Variants in PCDHGB3 observed in about 807,000 individuals in gnomAD.
PCDHGB3 encodes the protein protocadherin gamma subfamily B, 3.
In PCDHGB3, 40 loss-of-function variants were observed where a neutral mutation model predicts 59.2. That is an observed-to-expected ratio of 0.68 (90% confidence interval 0.52 to 0.88). The LOEUF is 0.88. PCDHGB3 is among the 40% of genes least tolerant of loss of function. PCDHGB3 has a pLI of 0.00. For synonymous variants in PCDHGB3, 581 were observed against 503.6 expected, an observed-to-expected ratio of 1.15 and a Z score of -2.06; for missense variants, 1,309 against 1,187.9, an observed-to-expected ratio of 1.10 and a Z score of -1.50.
At chr5:141,392,131 T>C (rs1434001990) in intron 1 of PCDHGB3, 2 of 152,204 alleles carry the variant, frequency 1.3e-5, no homozygotes, top group African/African-American at 4.8e-5. Flanking sequence ...TGTAAAATGA[T>C]TAAGTAGTTT....
rs577239742 is a variant in PCDHGB3 at position 141,501,564 on chromosome 5, T to C, written c.2475-3829T>C. ...CATAAGATCATAGGCCCTGGAATCA[T>C]ATTAGGCTGGCTTTCAGGTTGCAAC... On this transcript the variant is annotated intron_variant, in intron 2 of 3. Coordinates refer to ENST00000576222, the MANE Select transcript of PCDHGB3 (RefSeq NM_018924.5). 5.9e-5 allele frequency among the ~76,000 whole-genome samples: 9 copies of C among 152,194 alleles called. No individual in the cohort carries two copies. The South Asian group carries it at 1.7e-3, about 28-fold the overall frequency.
chr5:141,499,122 A>G (rs971741957), intron 2 of PCDHGB3, among the ~76,000 whole-genome samples: 3 of 152,140 alleles, frequency 2.0e-5, no homozygotes, highest in African/African-American at 7.2e-5. Context: ...ATCCCTTCTC[A>G]GGTCATCCTT....
intron 1 of PCDHGB3, chr5:141,411,432 AC>A (rs1483186233): frequency 6.6e-6 from 1 of 151,012 alleles, no homozygotes; most frequent in African/African-American, 2.4e-5. Context: ...ACAAAAAAAA[AC>A]ATTAGCAGAG....
chr5:141,431,435 GC>G lies in PCDHGB3; in HGVS notation c.2415+58627del. On this transcript the variant is annotated intron_variant, in intron 1 of 3. Coordinates refer to ENST00000576222, the MANE Select transcript of PCDHGB3 (RefSeq NM_018924.5). The surrounding 1 kb of genome is among the most constrained non-coding windows in gnomAD (Gnocchi z 4.8). The stretch of plus-strand genomic sequence containing the variant: ...GGGCGACCCGGTGCGCACAGGCACC[GC>G]GCGCATCCGCGTGATGGTTCTGGAT... 1.9e-6 allele frequency: 3 copies of G among 1,613,668 alleles called. No individual in the cohort carries two copies. The highest frequency in any genetic ancestry group is 2.5e-6 in the Non-Finnish European group (3 of 1,180,026).
chr5:141,481,835 C>T (rs892868552), intron 1 of PCDHGB3, among the ~76,000 whole-genome samples: 5 of 149,932 alleles, frequency 3.3e-5, no homozygotes, highest in Non-Finnish European at 7.4e-5. Flanking sequence ...GCAGGAGAAT[C>T]GCTTGATGGT....
At chr5:141,421,065 A>C in intron 1 of PCDHGB3, 1 of 591,556 alleles carries the variant, frequency 1.7e-6, no homozygotes. Flanking sequence ...CACAAAGCGG[A>C]ATGAGATGGA....
intron 1 of PCDHGB3, among the ~76,000 whole-genome samples, chr5:141,481,148 C>G (rs2099532606): frequency 6.6e-6 from 1 of 152,176 alleles, no homozygotes; most frequent in Non-Finnish European, 1.5e-5. Context: ...AAGTGTTATT[C>G]TGGTATTTGC....
At chr5:141,449,349 G>C (rs191322076) in intron 1 of PCDHGB3, among the ~76,000 whole-genome samples, 2 of 152,074 alleles carry the variant, frequency 1.3e-5, no homozygotes, top group African/African-American at 4.8e-5. Flanking sequence ...GCTCACTCCT[G>C]TAATCCCAGC....
chr5:141,395,209 A>G, intron 1 of PCDHGB3: 1 of 1,613,372 alleles, frequency 6.2e-7, no homozygotes, highest in Non-Finnish European at 8.5e-7. Flanking sequence ...GATTTTCATG[A>G]ATATAAGAAT....
Position 141,432,010 on chromosome 5 carries a change from CT to C in PCDHGB3, c.2415+59202del. The C allele has an allele frequency of 6.2e-7, 1 of 1,614,068 alleles. No individual in the cohort carries two copies. Among genetic ancestry groups the C allele is most frequent in the Non-Finnish European group, 8.5e-7 (1 of 1,180,022 alleles). ...TCTTGGATAGGGAACAGGTTCCTAG[CT>C]ACAACATCACAGTGACCGCCACTGA... On this transcript the variant is annotated intron_variant, in intron 1 of 3. Coordinates refer to ENST00000576222, the MANE Select transcript of PCDHGB3 (RefSeq NM_018924.5). This position sits in a 1 kb window ranked among gnomAD's most constrained non-coding sequence, Gnocchi z 6.0.
chr5:141,372,349 A>G lies in PCDHGB3; in HGVS notation c.1955A>G (p.Gln652Arg), dbSNP rs373267938. ...LLVTVRDGGQQPLSATVMLHL... is the reference protein window; with the variant it reads ...LLVTVRDGGQRPLSATVMLHL... ...GTCACTGTGCGTGATGGAGGACAGCAGCCTCTTTCAGCCACCGTCATGCTG... is the reference window on the plus strand; with the variant it reads ...GTCACTGTGCGTGATGGAGGACAGCGGCCTCTTTCAGCCACCGTCATGCTG... Residue 652 changes from glutamine to arginine, a missense_variant, in exon 1 of 4, where the codon CAG becomes CGG. Transcript: ENST00000576222. 1.1e-5 allele frequency: 18 copies of G among 1,613,786 alleles called. No individual in the cohort carries two copies. The African/African-American group carries it at 2.4e-4, about 22-fold the overall frequency.
rs373430964 is a variant in PCDHGB3, at chr5:141,374,999, A to G, written c.2415+2190A>G. The G allele has an allele frequency of 1.1e-5, 17 of 1,613,928 alleles. No homozygotes were observed. The African/African-American group carries it at 2.1e-4, about 20-fold the overall frequency. On this transcript the variant is annotated intron_variant, in intron 1 of 3. Transcript: ENST00000576222. ...GACTGGAGAAATTTCAACTTCTGCA[A>G]ATCTAGACTATGAGGACTCGAGTTT...
At chr5:141,422,141 G>A (rs1441509284) in intron 1 of PCDHGB3, 9 of 1,583,068 alleles carry the variant, frequency 5.7e-6, no homozygotes, top group Middle Eastern at 1.7e-4. Context: ...GTTCAAGTAC[G>A]GGGGTCTCTG....
intron 1 of PCDHGB3, chr5:141,374,760 C>T (rs1255992375): frequency 6.2e-7 from 1 of 1,613,440 alleles, no homozygotes; most frequent in South Asian, 1.1e-5. Context: ...TCAAGCGTCG[C>T]CCAAATTCTG....
rs1173771781 is a variant in PCDHGB3 at position 141,486,312 on chromosome 5, G to A, written c.2416-8495G>A. Reference sequence around the variant, plus strand: ...ATCAGTGTGCAGGATCCAGACTCAGGGTCAAACGGAGATGTGAGCCTCCGC... The same window carrying A: ...ATCAGTGTGCAGGATCCAGACTCAGAGTCAAACGGAGATGTGAGCCTCCGC... On this transcript the variant is annotated intron_variant, in intron 1 of 3. Coordinates refer to ENST00000576222, the MANE Select transcript of PCDHGB3 (RefSeq NM_018924.5). The surrounding 1 kb of genome is among the most constrained non-coding windows in gnomAD (Gnocchi z 5.0). The A allele has an allele frequency of 1.2e-6, 2 of 1,613,864 alleles. No individual in the cohort carries two copies. Among genetic ancestry groups the A allele is most frequent in the African/African-American group, 1.3e-5 (1 of 74,842 alleles).
Position 141,403,721 on chromosome 5 carries a change from C to T in PCDHGB3, c.2415+30912C>T, listed in dbSNP as rs748888364. On this transcript the variant is annotated intron_variant, in intron 1 of 3. Coordinates refer to ENST00000576222, the MANE Select transcript of PCDHGB3 (RefSeq NM_018924.5). ...AGTTAAAGTCCTTGAGAACGTGCCC[C>T]CAGGCACCTGGCTGCTTACTGCAAC... 5 of 1,613,754 alleles carry T rather than the reference C, an allele frequency of 3.1e-6. No individual in the cohort carries two copies. The highest frequency in any genetic ancestry group is 2.2e-5 in the East Asian group (1 of 44,878).
intron 1 of PCDHGB3, among the ~76,000 whole-genome samples, chr5:141,492,745 C>G (rs2099743569): frequency 6.6e-6 from 1 of 152,262 alleles, no homozygotes; most frequent in Non-Finnish European, 1.5e-5. Flanking sequence ...GTGGCCGAGG[C>G]GCGGCAGGGC....
chr5:141,447,823 C>T lies in PCDHGB3; in HGVS notation c.2416-46984C>T, dbSNP rs192381755. ...AAAATTGGCTGGGCGTGGTGGCTCA[C>T]GCCTGTAATCCCAGTGCTTTGGGAG... On this transcript the variant is annotated intron_variant, in intron 1 of 3. Coordinates refer to ENST00000576222, the MANE Select transcript of PCDHGB3 (RefSeq NM_018924.5). Among the ~76,000 whole-genome samples, 677 of 152,272 alleles carry T rather than the reference C, an allele frequency of 4.4e-3. 5 individuals are homozygous for T. Among genetic ancestry groups the T allele is most frequent in the African/African-American group, 0.015 (635 of 41,548 alleles).
At chr5:141,377,663 A>C (rs1774232971) in intron 1 of PCDHGB3, 1 of 152,130 alleles carries the variant, frequency 6.6e-6, no homozygotes, top group African/African-American at 2.4e-5. Context: ...TAAACGACAG[A>C]CGTTCATACA....
Sources: gnomAD v4.1 joint callset for allele counts (sites outside exome capture counted in the v4.1 genomes callset) on GRCh38, gnomAD v4.1.1 for gene constraint, Gnocchi (gnomAD v3.1) non-coding constraint, MANE v1.5 for transcripts, NCBI Gene and HGNC (gene_info 2026-07-23, HGNC 2026-07-21) for gene names.